Variants in RSU1 observed in about 807,000 individuals in gnomAD.
The protein encoded by RSU1 is Ras suppressor protein 1, also known as rsu-1.
RSU1 carries 26 observed loss-of-function variants against 31.1 expected under a neutral mutation model. The observed-to-expected ratio is 0.84, with a 90% CI of 0.61 to 1.16. RSU1 has a LOEUF of 1.16. Among genes scored for constraint, RSU1 ranks in the 50% most tolerant of loss-of-function variants. The pLI is 0.00. For missense variants in RSU1, 320 were observed against 339.1 expected (o/e 0.94, Z 0.44); for synonymous variants, 164 against 136.3 (o/e 1.20, Z -1.41).
At chr10:16,695,698 C>T (rs11254155) in intron 7 of RSU1, among the ~76,000 whole-genome samples, 3 of 152,166 alleles carry the variant, frequency 2.0e-5, no homozygotes. Flanking sequence ...GTGATAAAGA[C>T]TAATTACCTT....
intron 8 of RSU1, among the ~76,000 whole-genome samples, chr10:16,661,411 A>AT (rs1834888958): frequency 6.6e-6 from 1 of 151,922 alleles, no homozygotes; most frequent in Non-Finnish European, 1.5e-5. Flanking sequence ...CTCCAGATTT[A>AT]TGCTTATCTC....
intron 3 of RSU1, among the ~76,000 whole-genome samples, chr10:16,764,770 A>C (rs966185058): frequency 6.6e-6 from 1 of 152,076 alleles, no homozygotes; most frequent in African/African-American, 2.4e-5. Context: ...ATGAGGGGGG[A>C]AACAGAGCAA....
At chr10:16,771,355 G>A (rs1427074439) in intron 3 of RSU1, among the ~76,000 whole-genome samples, 1 of 152,122 alleles carries the variant, frequency 6.6e-6, no homozygotes, top group African/African-American at 2.4e-5. Context: ...AATCAAATTA[G>A]CAGAAACTAG....
At chr10:16,693,113 T>G (rs1201878188) in intron 8 of RSU1, among the ~76,000 whole-genome samples, 2 of 152,120 alleles carry the variant, frequency 1.3e-5, no homozygotes, top group Admixed American at 1.3e-4. Flanking sequence ...CAGGTGCCCC[T>G]CCACCATGCC....
chr10:16,791,252 C>T (rs565685570), intron 2 of RSU1, among the ~76,000 whole-genome samples: 1 of 152,220 alleles, frequency 6.6e-6, no homozygotes, highest in African/African-American at 2.4e-5. Context: ...GTCTCGAACT[C>T]CTGACCTCAG....
intron 8 of RSU1, among the ~76,000 whole-genome samples, chr10:16,606,294 AT>A (rs1027544675): frequency 6.6e-6 from 1 of 152,190 alleles, no homozygotes; most frequent in African/African-American, 2.4e-5. Flanking sequence ...TAAAATTAAC[AT>A]TATATATATA....
At chr10:16,617,586 A>T (rs1423989559) in intron 8 of RSU1, among the ~76,000 whole-genome samples, 2 of 152,210 alleles carry the variant, frequency 1.3e-5, no homozygotes, top group African/African-American at 2.4e-5. Flanking sequence ...ACTTCAAACT[A>T]TACTACAAGG....
intron 7 of RSU1, among the ~76,000 whole-genome samples, chr10:16,740,342 G>A (rs556039243): frequency 1.3e-5 from 2 of 151,944 alleles, no homozygotes; most frequent in African/African-American, 2.4e-5. Context: ...AAATAGAAGG[G>A]CATTTGTAAA....
intron 2 of RSU1, among the ~76,000 whole-genome samples, chr10:16,811,236 G>A (rs999882092): frequency 5.3e-5 from 8 of 152,186 alleles, no homozygotes; most frequent in Admixed American, 2.0e-4. Flanking sequence ...GCCCAGGTGT[G>A]TAGTAGGCTA....
chr10:16,674,377 T>C (rs946002676), intron 8 of RSU1, among the ~76,000 whole-genome samples: 4 of 149,866 alleles, frequency 2.7e-5, no homozygotes, highest in African/African-American at 9.8e-5. Context: ...ACTGAAAATG[T>C]GTCACGGATG....
chr10:16,641,600 G>C (rs1299467387), intron 8 of RSU1, among the ~76,000 whole-genome samples: 4 of 152,292 alleles, frequency 2.6e-5, no homozygotes, highest in Non-Finnish European at 5.9e-5. Context: ...CACAGCCAGG[G>C]CTTGGGTGGG....
At chr10:16,783,363 G>A (rs866566599) in intron 2 of RSU1, among the ~76,000 whole-genome samples, 4 of 92,812 alleles carry the variant, frequency 4.3e-5, no homozygotes, top group Non-Finnish European at 7.8e-5. Context: ...CACAACTTTT[G>A]CTTTTTTTTT....
chr10:16,784,024 G>A (rs1471062258), intron 2 of RSU1, among the ~76,000 whole-genome samples: 10 of 151,926 alleles, frequency 6.6e-5, no homozygotes, highest in Admixed American at 2.6e-4. Context: ...CTTGACTTTC[G>A]TGACCTTGGC....
At chr10:16,719,688 C>T (rs79524994) in intron 7 of RSU1, among the ~76,000 whole-genome samples, 3 of 152,190 alleles carry the variant, frequency 2.0e-5, no homozygotes, top group Admixed American at 6.5e-5. Flanking sequence ...GCACAGGGGC[C>T]GCACAGACTT....
At chr10:16,718,809 C>T (rs1185142175) in intron 7 of RSU1, among the ~76,000 whole-genome samples, 3 of 151,752 alleles carry the variant, frequency 2.0e-5, no homozygotes, top group Non-Finnish European at 1.5e-5. Flanking sequence ...GGTGAAACCC[C>T]GTCTCTACTA....
intron 7 of RSU1, among the ~76,000 whole-genome samples, chr10:16,723,826 C>G (rs1293135733): frequency 6.6e-6 from 1 of 152,096 alleles, no homozygotes; most frequent in African/African-American, 2.4e-5. Flanking sequence ...GAAACTCAGT[C>G]CACCCGTGCA....
chr10:16,809,241 T>C (rs1838348954), intron 2 of RSU1, among the ~76,000 whole-genome samples: 1 of 152,186 alleles, frequency 6.6e-6, no homozygotes, highest in African/African-American at 2.4e-5. Context: ...GGAAACATGC[T>C]CTGATCAGCA....
intron 2 of RSU1, among the ~76,000 whole-genome samples, chr10:16,803,219 T>TA (rs957687633): frequency 4.6e-5 from 7 of 152,064 alleles, no homozygotes; most frequent in Admixed American, 2.6e-4. Context: ...CTTTTCTATA[T>TA]AAAAAAATAG....
intron 2 of RSU1, among the ~76,000 whole-genome samples, chr10:16,793,789 T>A (rs570907703): frequency 9.9e-5 from 15 of 151,542 alleles, no homozygotes; most frequent in African/African-American, 3.6e-4. Context: ...GGAGATGAAA[T>A]AAAACACTAG....
Sources: allele counts gnomAD v4.1 joint callset (sites outside exome capture counted in the v4.1 genomes callset), GRCh38; gene constraint gnomAD v4.1.1; transcripts MANE v1.5; gene names NCBI Gene and HGNC (gene_info 2026-07-23, HGNC 2026-07-21).